MAGI2: variants seen among roughly 807,000 people sequenced by gnomAD.
The protein encoded by MAGI2 is membrane-associated guanylate kinase, WW and PDZ domain-containing protein 2.
In MAGI2, 35 loss-of-function variants were observed where a neutral mutation model predicts 133.3. That is an observed-to-expected ratio of 0.26 (90% CI 0.20 to 0.35). MAGI2 has a LOEUF of 0.35. MAGI2 is among the 10% of genes least tolerant of loss of function. The pLI, the probability that MAGI2 is intolerant of heterozygous loss-of-function variation, is 1.00. For missense variants in MAGI2, 1,636 were observed against 1,863.4 expected, an observed-to-expected ratio of 0.88 and a Z score of 2.25; for synonymous variants, 729 against 710.6, an observed-to-expected ratio of 1.03 and a Z score of -0.41.
intron 2 of MAGI2, among the ~76,000 whole-genome samples, chr7:78,737,141 T>G (rs1176053969): frequency 2.6e-5 from 4 of 152,220 alleles, no homozygotes; most frequent in African/African-American, 9.6e-5. Context: ...ATTTGAGCTT[T>G]AGAGCTAAAT....
chr7:78,774,219 G>T lies in MAGI2; in HGVS notation c.419-146980C>A, dbSNP rs185209533. Among the ~76,000 whole-genome samples, 836 of 152,262 alleles carry T rather than the reference G, an allele frequency of 5.5e-3. 36 individuals are homozygous for T. Among genetic ancestry groups the T allele is most frequent in the Admixed American group, 0.049 (754 of 15,294 alleles). ...TTGTTGATTTTAATCTTCTAAGGTG[G>T]TTCCAATGCATCCGAGGTTGGTAAT... On this transcript the variant is annotated intron_variant, in intron 2 of 21. Transcript: ENST00000354212.
intron 1 of MAGI2, among the ~76,000 whole-genome samples, chr7:79,351,293 C>CAAAA (rs1841674430): frequency 6.6e-6 from 1 of 152,036 alleles, no homozygotes; most frequent in Admixed American, 6.6e-5. Flanking sequence ...TCTGTTTTGT[C>CAAAA]TTGGTATGCA....
chr7:78,782,465 G>A (rs915855294), intron 2 of MAGI2, among the ~76,000 whole-genome samples: 1 of 152,118 alleles, frequency 6.6e-6, no homozygotes. Context: ...TGGAATCCTT[G>A]ACAGAAACTG....
chr7:79,415,924 G>C (rs1363944975), intron 1 of MAGI2, among the ~76,000 whole-genome samples: 1 of 152,046 alleles, frequency 6.6e-6, no homozygotes, highest in Non-Finnish European at 1.5e-5. Context: ...GGTACTGGAA[G>C]GGTAAAACCT....
At chr7:78,200,198 G>A (rs112993281) in intron 11 of MAGI2, among the ~76,000 whole-genome samples, 2,226 of 152,276 alleles carry the variant, frequency 0.015, 55 homozygotes, top group African/African-American at 0.044. Context: ...CTGCTTTGCT[G>A]CAGCCTCTTC....
At chr7:78,081,479 A>C (rs1345227672) in intron 20 of MAGI2, among the ~76,000 whole-genome samples, 1 of 152,196 alleles carries the variant, frequency 6.6e-6, no homozygotes, top group Non-Finnish European at 1.5e-5. Context: ...AAGAACAGAC[A>C]TCTAACCCAG....
At chr7:79,435,685 C>T (rs906868878) in intron 1 of MAGI2, among the ~76,000 whole-genome samples, 4 of 152,226 alleles carry the variant, frequency 2.6e-5, no homozygotes, top group South Asian at 4.1e-4. Context: ...TCCATGCCAA[C>T]GAGAGCAATC....
chr7:79,413,213 T>A (rs2129172800), intron 1 of MAGI2: 1 of 152,258 alleles, frequency 6.6e-6, no homozygotes, highest in Middle Eastern at 3.4e-3. Context: ...TTAGATGTTA[T>A]ATTGCAGCTT....
At chr7:79,245,904 C>T (rs548492958) in intron 1 of MAGI2, among the ~76,000 whole-genome samples, 1 of 152,300 alleles carries the variant, frequency 6.6e-6, no homozygotes, top group African/African-American at 2.4e-5. Flanking sequence ...CACCCTTCCC[C>T]CAGCACCAGG....
chr7:78,336,231 T>C (rs1346921236), intron 9 of MAGI2, among the ~76,000 whole-genome samples: 1 of 152,184 alleles, frequency 6.6e-6, no homozygotes, highest in Non-Finnish European at 1.5e-5. Flanking sequence ...CACATGCTTA[T>C]TGTTGAACAC....
At chr7:78,367,586 A>C (rs1483959273) in intron 7 of MAGI2, among the ~76,000 whole-genome samples, 1 of 152,170 alleles carries the variant, frequency 6.6e-6, no homozygotes, top group Non-Finnish European at 1.5e-5. Context: ...AATATTTGCT[A>C]TCTGGGTTTT....
chr7:78,175,246 A>G (rs1008441309), intron 14 of MAGI2, among the ~76,000 whole-genome samples: 1 of 152,164 alleles, frequency 6.6e-6, no homozygotes, highest in African/African-American at 2.4e-5. Context: ...TAGGAACACA[A>G]CATCTTGAGA....
intron 4 of MAGI2, chr7:78,518,006 A>G (rs1473039393): frequency 8.2e-6 from 1 of 122,344 alleles, no homozygotes; most frequent in Non-Finnish European, 1.6e-5. Context: ...GAAAAGATGA[A>G]AAAAAAAAAT....
In MAGI2 at chr7:79,111,729, C is replaced by G. The variant is rs573175652; in HGVS notation, c.302-104523G>C. Among the ~76,000 whole-genome samples the G allele has an allele frequency of 5.2e-4, 79 of 152,142 alleles. No individual in the cohort carries two copies. The East Asian group carries it at 0.013, about 25-fold the overall frequency. ...TCGCCCAGGCTGGAGTGTAGTGGCACGATCTCGGCTCACTGCAAGCTCCGC... is the reference window on the plus strand; with the variant it reads ...TCGCCCAGGCTGGAGTGTAGTGGCAGGATCTCGGCTCACTGCAAGCTCCGC... On this transcript the variant is annotated intron_variant, in intron 1 of 21. Coordinates refer to ENST00000354212, the MANE Select transcript of MAGI2 (RefSeq NM_012301.4).
intron 3 of MAGI2, among the ~76,000 whole-genome samples, chr7:78,542,708 A>T (rs1798514103): frequency 6.6e-6 from 1 of 152,228 alleles, no homozygotes; most frequent in Admixed American, 6.5e-5. Context: ...CTGAAGCATA[A>T]CATGTAAGGG....
At chr7:79,323,857 G>A (rs534211487) in intron 1 of MAGI2, among the ~76,000 whole-genome samples, 1 of 152,114 alleles carries the variant, frequency 6.6e-6, no homozygotes, top group Non-Finnish European at 1.5e-5. Context: ...TGGACAGCAA[G>A]AGAATACCTG....
At position 78,864,180 on chromosome 7, in the gene MAGI2, TGAC is replaced by T. The variant is rs549106868; in HGVS notation, c.418+142907_418+142909del. Among the ~76,000 whole-genome samples the T allele has an allele frequency of 1.3e-3, 200 of 152,334 alleles. 2 individuals are homozygous for T. Among genetic ancestry groups the T allele is most frequent in the Middle Eastern group, 6.8e-3 (2 of 294 alleles). On this transcript the variant is annotated intron_variant, in intron 2 of 21. Coordinates refer to ENST00000354212, the MANE Select transcript of MAGI2 (RefSeq NM_012301.4). ...TCTTTTAAATACTATATGTGCTGGC[TGAC>T]ATTAGCAAAATATTGCCTGGCAGGT...
intron 21 of MAGI2, among the ~76,000 whole-genome samples, chr7:78,055,297 A>G (rs556665433): frequency 1.3e-5 from 2 of 152,356 alleles, no homozygotes; most frequent in Admixed American, 6.5e-5. Flanking sequence ...AATACTAAAT[A>G]ACCTTGCAAT....
At chr7:79,115,965 G>T (rs13438762) in intron 1 of MAGI2, among the ~76,000 whole-genome samples, 1 of 141,314 alleles carries the variant, frequency 7.1e-6, no homozygotes, top group African/African-American at 2.7e-5. Context: ...TTGTCTTTCA[G>T]ACTCTCCTAT....
Sources: allele counts gnomAD v4.1 joint callset (sites outside exome capture counted in the v4.1 genomes callset), GRCh38; gene constraint gnomAD v4.1.1; transcripts MANE v1.5; gene names NCBI Gene and HGNC (gene_info 2026-07-23, HGNC 2026-07-21).